Variants in GLP2R observed in about 807,000 individuals in gnomAD.
The protein encoded by GLP2R is glucagon like peptide 2 receptor.
GLP2R carries 59 observed loss-of-function variants against 68.2 expected under a neutral mutation model. That is an observed-to-expected ratio of 0.87 (90% CI 0.70 to 1.07). The LOEUF (loss-of-function observed/expected upper bound fraction) is 1.07. GLP2R is among the 50% of genes least tolerant of loss of function. The probability of loss-of-function intolerance (pLI) is 0.00; values close to 1 mark genes in which losing one functional copy is unlikely to be tolerated. For synonymous variants in GLP2R, 270 were observed against 265.4 expected (o/e 1.02, Z -0.17); for missense variants, 548 against 677.4 (o/e 0.81, Z 2.12).
chr17:9,878,123 C>T (rs1355260391), intron 10 of GLP2R, among the ~76,000 whole-genome samples: 1 of 152,144 alleles, frequency 6.6e-6, no homozygotes, highest in African/African-American at 2.4e-5. Context: ...CAGACTCTTA[C>T]AAGGGCCAAG....
intron 10 of GLP2R, among the ~76,000 whole-genome samples, chr17:9,875,232 C>T (rs1274833216): frequency 2.0e-5 from 3 of 152,176 alleles, no homozygotes; most frequent in Non-Finnish European, 2.9e-5. Context: ...AGAGAGTGCT[C>T]TTTACTATAA....
chr17:9,883,524 AG>A (rs1436882960), intron 11 of GLP2R, among the ~76,000 whole-genome samples: 2 of 152,234 alleles, frequency 1.3e-5, no homozygotes, highest in Non-Finnish European at 2.9e-5. Context: ...AACTCCAAAA[AG>A]CATAAAACAA....
At chr17:9,870,658 G>A (rs1381100099) in intron 9 of GLP2R, 89 bp from the exon 10 acceptor site, 2 of 741,854 alleles carry the variant, frequency 2.7e-6, no homozygotes, top group African/African-American at 1.7e-5. Context: ...TGAACTGATG[G>A]AACTGATGGC....
chr17:9,863,911 C>T (rs2152041150), intron 9 of GLP2R, among the ~76,000 whole-genome samples: 1 of 152,332 alleles, frequency 6.6e-6, no homozygotes, highest in East Asian at 1.9e-4. Context: ...ATTCAGTGCA[C>T]ACTCATGGCC....
At chr17:9,859,101 G>A (rs139642836) in intron 6 of GLP2R, among the ~76,000 whole-genome samples, 1 of 151,842 alleles carries the variant, frequency 6.6e-6, no homozygotes, top group African/African-American at 2.4e-5. Flanking sequence ...TGCACTTAAG[G>A]CTATACGTTT....
intron 3 of GLP2R, 73 bp from the exon 4 acceptor site, chr17:9,842,422 A>G: frequency 6.3e-7 from 1 of 1,581,524 alleles, no homozygotes; most frequent in Non-Finnish European, 8.6e-7. Flanking sequence ...GGGATTTTCC[A>G]CAGCTCTGTG....
Position 9,862,310 on chromosome 17 carries a change from A to G in GLP2R, c.1056+220A>G, listed in dbSNP as rs1030157819. 5.9e-5 allele frequency among the ~76,000 whole-genome samples: 9 copies of G among 152,120 alleles called. 1 individual carries two copies. The highest frequency in any genetic ancestry group is 4.6e-4 in the Admixed American group (7 of 15,278). Reference sequence around the variant, plus strand: ...AAGCCTCCTTCTCTCTGGGTCTTCAAACTGTGTAAAGAGACCTGCAGTCAG... The same window carrying G: ...AAGCCTCCTTCTCTCTGGGTCTTCAGACTGTGTAAAGAGACCTGCAGTCAG... On this transcript the variant is annotated intron_variant, in intron 9 of 12. Transcript: ENST00000262441.
intron 10 of GLP2R, among the ~76,000 whole-genome samples, chr17:9,871,743 T>TTTTG (rs2067096030): frequency 9.4e-6 from 1 of 105,988 alleles, no homozygotes; most frequent in Non-Finnish European, 1.8e-5. Context: ...TTTTTTTTTT[T>TTTTG]GACAGAGTCT....
chr17:9,832,935 T>C (rs1162198258), intron 1 of GLP2R, among the ~76,000 whole-genome samples: 1 of 151,942 alleles, frequency 6.6e-6, no homozygotes, highest in Non-Finnish European at 1.5e-5. Flanking sequence ...GACACTTCTC[T>C]TTGTACTGAA....
chr17:9,865,803 A>G (rs1470138443), intron 9 of GLP2R: 3 of 471,004 alleles, frequency 6.4e-6, no homozygotes, highest in South Asian at 3.1e-5. Context: ...TAGAGAGGAC[A>G]TTGCTTAACT....
At chr17:9,883,591 G>GCAAC (rs2067216058) in intron 11 of GLP2R, among the ~76,000 whole-genome samples, 1 of 152,088 alleles carries the variant, frequency 6.6e-6, no homozygotes, top group Non-Finnish European at 1.5e-5. Context: ...AAAATGAAGA[G>GCAAC]AAAATATTGA....
chr17:9,879,291 T>TAAAATAAAATA, intron 10 of GLP2R, among the ~76,000 whole-genome samples: 1 of 26,802 alleles, frequency 3.7e-5, no homozygotes, highest in African/African-American at 2.7e-4. Flanking sequence ...TAAAATAAAA[T>TAAAATAAAATA]AAATAAAATA....
chr17:9,860,531 T>A (rs1261342359), intron 7 of GLP2R, among the ~76,000 whole-genome samples: 1 of 152,170 alleles, frequency 6.6e-6, no homozygotes, highest in East Asian at 1.9e-4. Flanking sequence ...CTTCCTGTAT[T>A]CTCACATGGT....
chr17:9,851,139 G>A (rs572523204), intron 4 of GLP2R, among the ~76,000 whole-genome samples: 4 of 152,218 alleles, frequency 2.6e-5, no homozygotes, highest in South Asian at 4.1e-4. Context: ...AAACACACAC[G>A]TGTTTTAAAA....
At chr17:9,866,318 G>GTCTTCTGACCCCTGGGGACATTTGGCTA (rs2067036850) in intron 9 of GLP2R, 1 of 174,038 alleles carries the variant, frequency 5.7e-6, no homozygotes. Flanking sequence ...ACATTTGGCT[G>GTCTTCTGACCCCTGGGGACATTTGGCTA]TGTCTGGAGA....
intron 1 of GLP2R, among the ~76,000 whole-genome samples, chr17:9,828,512 A>C (rs1036249549): frequency 1.3e-5 from 2 of 152,210 alleles, no homozygotes; most frequent in African/African-American, 4.8e-5. Flanking sequence ...GGATATTATC[A>C]TAAAATGCTT....
intron 4 of GLP2R, among the ~76,000 whole-genome samples, chr17:9,847,294 A>C (rs567800022): frequency 4.0e-5 from 6 of 150,940 alleles, no homozygotes; most frequent in African/African-American, 1.5e-4. Flanking sequence ...TTTGAAACGG[A>C]GTTTCGCTCT....
chr17:9,867,807 A>G (rs1023917498), intron 9 of GLP2R, among the ~76,000 whole-genome samples: 4 of 152,186 alleles, frequency 2.6e-5, no homozygotes, highest in African/African-American at 7.2e-5. Context: ...TGCATTTGCT[A>G]TTGTTGAATC....
At chr17:9,849,080 T>C (rs1685926307) in intron 4 of GLP2R, among the ~76,000 whole-genome samples, 1 of 151,752 alleles carries the variant, frequency 6.6e-6, no homozygotes, top group African/African-American at 2.4e-5. Context: ...ATATGGCATA[T>C]AATTTTAATA....
Sources: allele counts gnomAD v4.1 joint callset (sites outside exome capture counted in the v4.1 genomes callset), GRCh38; gene constraint gnomAD v4.1.1; transcripts MANE v1.5; gene names NCBI Gene and HGNC (gene_info 2026-07-23, HGNC 2026-07-21).